The following CNGA1 variants were observed in gnomAD, a reference collection of about 807,000 sequenced individuals.
The protein encoded by CNGA1 is cyclic nucleotide gated channel subunit alpha 1.
CNGA1 carries 53 observed loss-of-function variants against 69.7 expected under a neutral mutation model. That is an observed-to-expected ratio of 0.76 (90% confidence interval 0.61 to 0.96). The LOEUF is 0.96. Among genes scored for constraint, CNGA1 ranks in the 40% least tolerant of loss-of-function variants. The pLI, the probability that CNGA1 is intolerant of heterozygous loss-of-function variation, is 0.00. For synonymous variants in CNGA1, 249 were observed against 283.5 expected, an observed-to-expected ratio of 0.88 and a Z score of 1.22; for missense variants, 739 against 811.2, an observed-to-expected ratio of 0.91 and a Z score of 1.08.
chr4:48,007,178 T>C (rs926831246), intron 2 of CNGA1, among the ~76,000 whole-genome samples: 17 of 152,182 alleles, frequency 1.1e-4, no homozygotes, highest in Non-Finnish European at 1.8e-4. Flanking sequence ...AAATAATCTA[T>C]AAAATCTTAA....
At chr4:47,997,569 C>A (rs1304945614) in intron 2 of CNGA1, among the ~76,000 whole-genome samples, 2 of 152,032 alleles carry the variant, frequency 1.3e-5, no homozygotes, top group African/African-American at 4.8e-5. Flanking sequence ...TAGAGATATA[C>A]ATAAATGTAA....
intron 2 of CNGA1, among the ~76,000 whole-genome samples, chr4:48,000,360 T>G (rs1714612774): frequency 6.7e-6 from 1 of 149,906 alleles, no homozygotes; most frequent in Admixed American, 6.7e-5. Flanking sequence ...AAAGCCCAAT[T>G]ACTAACAATA....
In CNGA1 at chr4:47,936,969, T is replaced by G. The variant is rs1417745126; in HGVS notation, c.1513A>C (p.Lys505Gln). 2 of 1,613,966 alleles carry G rather than the reference T, an allele frequency of 1.2e-6. No individual in the cohort carries two copies. The highest frequency in any genetic ancestry group is 1.7e-6 in the Non-Finnish European group (2 of 1,179,844). ...VYSPGDYICK[K>Q]GDIGREMYII... ...TACATCTCTCGTCCGATATCCCCTT[T>G]CTTGCAAATATAATCTCCAGGACTG... is the stretch of plus-strand genomic sequence containing the variant. The change falls in exon 11 of 11, where the codon AAA becomes CAA. Residue 505 changes from lysine to glutamine, a missense_variant. Transcript: ENST00000514170.
At chr4:48,012,389 C>T (rs150800809) in intron 1 of CNGA1, among the ~76,000 whole-genome samples, 42 of 152,176 alleles carry the variant, frequency 2.8e-4, no homozygotes, top group Non-Finnish European at 4.7e-4. Context: ...AACAAAGGCA[C>T]AACCTTAGCT....
intron 3 of CNGA1, among the ~76,000 whole-genome samples, chr4:47,975,059 T>A (rs975640639): frequency 2.6e-5 from 4 of 152,216 alleles, no homozygotes; most frequent in Non-Finnish European, 5.9e-5. Flanking sequence ...TCTTATATGA[T>A]CTCTAAGTTC....
At chr4:47,968,148 C>G (rs6832816) in intron 3 of CNGA1, among the ~76,000 whole-genome samples, 15,918 of 152,102 alleles carry the variant, frequency 0.1, 1,326 homozygotes, top group East Asian at 0.32. Context: ...GCCAAGAGTA[C>G]TAAAATGAAC....
intron 10 of CNGA1, 105 bp downstream of exon 10, chr4:47,940,658 T>A (rs1739019139): frequency 3.6e-6 from 3 of 835,740 alleles, no homozygotes; most frequent in African/African-American, 3.4e-5. Context: ...TAGAACAGAT[T>A]TTTGTGAGTT....
intron 2 of CNGA1, among the ~76,000 whole-genome samples, chr4:48,000,465 T>G (rs321638): frequency 0.29 from 43,839 of 151,580 alleles, 7,000 homozygotes; most frequent in African/African-American, 0.43. Context: ...CGCCTCCCAG[T>G]TTCAAGCGAT....
At chr4:47,971,574 T>C (rs2110198013) in intron 3 of CNGA1, among the ~76,000 whole-genome samples, 1 of 152,180 alleles carries the variant, frequency 6.6e-6, no homozygotes, top group African/African-American at 2.4e-5. Flanking sequence ...GTGAAAAAAA[T>C]AAAACTTTAT....
At chr4:47,945,507 G>A (rs1739346143) in intron 6 of CNGA1, among the ~76,000 whole-genome samples, 1 of 152,168 alleles carries the variant, frequency 6.6e-6, no homozygotes, top group East Asian at 1.9e-4. Flanking sequence ...TTGACACCTA[G>A]GGATTGAAGC....
At chr4:47,962,882 A>G (rs974866576) in intron 3 of CNGA1, among the ~76,000 whole-genome samples, 5 of 152,234 alleles carry the variant, frequency 3.3e-5, no homozygotes, top group Non-Finnish European at 5.9e-5. Context: ...GACTACGTAT[A>G]TTATCTGTTT....
At chr4:47,977,313 T>A (rs1314009431) in intron 3 of CNGA1, among the ~76,000 whole-genome samples, 1 of 152,124 alleles carries the variant, frequency 6.6e-6, no homozygotes, top group Non-Finnish European at 1.5e-5. Flanking sequence ...AAGGAATGAC[T>A]ATGGGAGGAC....
chr4:47,965,116 A>G (rs912864022), intron 3 of CNGA1, among the ~76,000 whole-genome samples: 2 of 152,166 alleles, frequency 1.3e-5, no homozygotes, highest in Non-Finnish European at 2.9e-5. Flanking sequence ...ATACATAATA[A>G]TGTTGATATT....
chr4:47,965,493 C>T lies in CNGA1; in HGVS notation c.-14-12790G>A, dbSNP rs539647526. On this transcript the variant is annotated intron_variant, in intron 3 of 10. Transcript: ENST00000514170. ...CCAGACTGGAGTACGGTGGTGTGTT[C>T]TCAGCTCACTGCAACCTCCACCATC... is the stretch of plus-strand genomic sequence containing the variant. 2.6e-4 allele frequency among the ~76,000 whole-genome samples: 38 copies of T among 148,478 alleles called. 2 individuals are homozygous for T. The South Asian group carries it at 8.1e-3, about 31-fold the overall frequency.
At position 48,000,743 on chromosome 4, in the gene CNGA1, G is replaced by T. The variant is rs879113232; in HGVS notation, c.-123+10051C>A. On this transcript the variant is annotated intron_variant, in intron 2 of 10. Transcript: ENST00000514170. ...CACATTACATACAGTGGGGGAAGCGGGGGGGTGGGAAGGATAATCACAGAC... is the reference window on the plus strand; with the variant it reads ...CACATTACATACAGTGGGGGAAGCGTGGGGGTGGGAAGGATAATCACAGAC... Among the ~76,000 whole-genome samples, 389 of 151,316 alleles carry T rather than the reference G, an allele frequency of 2.6e-3. 3 individuals are homozygous for T. Among genetic ancestry groups the T allele is most frequent in the Non-Finnish European group, 3.9e-3 (264 of 67,938 alleles).
At position 47,942,232 on chromosome 4, in the gene CNGA1, C is replaced by T. The variant is rs1739127525; in HGVS notation, c.438-84G>A. 33 of 857,174 alleles carry T rather than the reference C, an allele frequency of 3.8e-5. 1 individual carries two copies. In the South Asian group the frequency reaches 4.3e-4, roughly 11 times the overall value. The allele number at this position is 857,174 out of a possible 1,614,324, so 53.1% of individuals were successfully genotyped here. A position where few individuals can be genotyped will look rare whatever the true frequency, so the allele number is the denominator to read the frequency against. On this transcript the variant is annotated intron_variant, in intron 8 of 10. Coordinates refer to ENST00000514170, the MANE Select transcript of CNGA1 (RefSeq NM_001379270.1). Reference sequence around the variant, plus strand: ...CCATGTTAAACATCGTTATGCCCATCAACCACAATTAATGAAATGGAAGTA... The same window carrying T: ...CCATGTTAAACATCGTTATGCCCATTAACCACAATTAATGAAATGGAAGTA...
chr4:47,996,008 C>T (rs991597513), intron 2 of CNGA1, among the ~76,000 whole-genome samples: 5 of 152,270 alleles, frequency 3.3e-5, no homozygotes, highest in Admixed American at 6.5e-5. Context: ...ATCTGTGGGT[C>T]TCTCATCTGG....
intron 6 of CNGA1, among the ~76,000 whole-genome samples, chr4:47,944,366 G>A (rs1418197368): frequency 6.6e-6 from 1 of 152,160 alleles, no homozygotes; most frequent in Non-Finnish European, 1.5e-5. Context: ...AGATGGTCAC[G>A]TACAAACAGG....
intron 9 of CNGA1, among the ~76,000 whole-genome samples, chr4:47,941,113 C>G (rs1197184208): frequency 6.6e-6 from 1 of 152,034 alleles, no homozygotes; most frequent in Non-Finnish European, 1.5e-5. Flanking sequence ...GTAAAAACAT[C>G]CAATAAGAAT....
Sources: gnomAD v4.1 joint callset for allele counts (sites outside exome capture counted in the v4.1 genomes callset) on GRCh38, gnomAD v4.1.1 for gene constraint, MANE v1.5 for transcripts, NCBI Gene and HGNC (gene_info 2026-07-23, HGNC 2026-07-21) for gene names.